The following EHMT1 variants were observed in gnomAD, a reference collection of about 807,000 sequenced individuals.
EHMT1 encodes histone-lysine N-methyltransferase EHMT1.
A neutral mutation model predicts 147.2 loss-of-function variants in EHMT1; 15 were observed. That is an observed-to-expected ratio of 0.10 (90% CI 0.07 to 0.16). The LOEUF is 0.16. Among genes scored for constraint, EHMT1 ranks in the 10% least tolerant of loss-of-function variants. The pLI is 1.00. For synonymous variants in EHMT1, 795 were observed against 709.6 expected, an observed-to-expected ratio of 1.12 and a Z score of -1.91; for missense variants, 1,587 against 1,772.4, an observed-to-expected ratio of 0.90 and a Z score of 1.88.
intron 16 of EHMT1, among the ~76,000 whole-genome samples, chr9:137,795,434 CACTCACAT>C (rs1359231652): frequency 2.0e-5 from 3 of 147,466 alleles, no homozygotes; most frequent in Non-Finnish European, 3.0e-5. Context: ...CACACTCTCA[CACTCACAT>C]ACACACACAG....
chr9:137,768,544 T>G (rs1267688605), intron 10 of EHMT1, among the ~76,000 whole-genome samples: 2 of 81,442 alleles, frequency 2.5e-5, no homozygotes, highest in African/African-American at 6.3e-5. Flanking sequence ...TTTTTTTTTT[T>G]TTTTTTTTTT....
At chr9:137,637,213 T>C (rs112925230) in intron 1 of EHMT1, among the ~76,000 whole-genome samples, 3 of 152,084 alleles carry the variant, frequency 2.0e-5, no homozygotes, top group African/African-American at 7.2e-5. Context: ...TTTACTGTTG[T>C]TGCCCAGGCT....
At chr9:137,715,910 A>G (rs899897654) in intron 2 of EHMT1, 2 of 899,326 alleles carry the variant, frequency 2.2e-6, no homozygotes, top group Non-Finnish European at 2.7e-6. Context: ...GTTAATGCTT[A>G]AGAAATGTTT....
At chr9:137,640,453 T>A (rs969451705) in intron 1 of EHMT1, among the ~76,000 whole-genome samples, 1 of 152,124 alleles carries the variant, frequency 6.6e-6, no homozygotes. Flanking sequence ...ATTTTTAAAT[T>A]TTTTGTAAAG....
At chr9:137,623,427 T>C (rs554886621) in intron 1 of EHMT1, among the ~76,000 whole-genome samples, 51 of 151,928 alleles carry the variant, frequency 3.4e-4, no homozygotes, top group Non-Finnish European at 6.0e-4. Flanking sequence ...ACTCTTTTTT[T>C]TTTTTGAGAT....
At chr9:137,779,517 C>T (rs544693842) in intron 13 of EHMT1, 118 bp from the exon 14 acceptor site, 9 of 1,024,598 alleles carry the variant, frequency 8.8e-6, no homozygotes, top group East Asian at 5.1e-5. Flanking sequence ...ATGTGTGGGA[C>T]GCGGAGCCCC....
chr9:137,814,195 C>T (rs1954742249), intron 21 of EHMT1: 2 of 617,246 alleles, frequency 3.2e-6, no homozygotes, highest in African/African-American at 3.7e-5. Flanking sequence ...CGCGTCGCTG[C>T]CCTGCCTGCC....
rs866354074 is a variant in EHMT1 at position 137,728,202 on chromosome 9, C to A, written c.643-147C>A. On this transcript the variant is annotated intron_variant, in intron 3 of 26. Transcript: ENST00000460843. ...CACGTGAGGACAGCTGTGCTGTTTC[C>A]GCTTGCAGACTTTCTCCTCTCTCCA... 5.9e-6 allele frequency: 7 copies of A among 1,178,546 alleles called. No homozygotes were observed. The African/African-American group carries it at 9.0e-5, about 15-fold the overall frequency. 73.0% of individuals were successfully genotyped at this position (1,178,546 alleles called of 1,614,324 possible). A position where few individuals can be genotyped will look rare whatever the true frequency, so the allele number is the denominator to read the frequency against.
chr9:137,627,994 G>A (rs1338164825), intron 1 of EHMT1, among the ~76,000 whole-genome samples: 1 of 152,198 alleles, frequency 6.6e-6, no homozygotes, highest in Non-Finnish European at 1.5e-5. Context: ...ACAGGTGTGA[G>A]CCACCATGCC....
chr9:137,702,733 G>A (rs1943940617), intron 1 of EHMT1, among the ~76,000 whole-genome samples: 1 of 152,196 alleles, frequency 6.6e-6, no homozygotes, highest in Non-Finnish European at 1.5e-5. Context: ...GACTCTATGT[G>A]GGGCTCCAGT....
At chr9:137,626,921 T>TA (rs1434873750) in intron 1 of EHMT1, among the ~76,000 whole-genome samples, 1 of 151,960 alleles carries the variant, frequency 6.6e-6, no homozygotes, top group East Asian at 1.9e-4. Context: ...TAGCTGGGAT[T>TA]ACAGGCGTGC....
At chr9:137,721,009 G>A (rs1007369355) in intron 3 of EHMT1, among the ~76,000 whole-genome samples, 3 of 135,172 alleles carry the variant, frequency 2.2e-5, no homozygotes, top group South Asian at 2.4e-4. Context: ...TCCCCTCCTC[G>A]CCGGCGTCCT....
At chr9:137,755,087 CCTG>C (rs1588537977) in intron 8 of EHMT1, among the ~76,000 whole-genome samples, 1 of 152,192 alleles carries the variant, frequency 6.6e-6, no homozygotes, top group East Asian at 1.9e-4. Context: ...CCGAGGTGCA[CCTG>C]GCATCCAATA....
At chr9:137,755,207 C>T (rs10780186) in intron 8 of EHMT1, among the ~76,000 whole-genome samples, 42,696 of 152,128 alleles carry the variant, frequency 0.28, 6,503 homozygotes, top group Admixed American at 0.41. Context: ...TCTGTCACCC[C>T]GGGTCCCTCC....
At chr9:137,817,783 G>C in intron 24 of EHMT1, 1 of 625,712 alleles carries the variant, frequency 1.6e-6, no homozygotes. Context: ...AGTTAGGAAG[G>C]CGTGGTCCAG....
At chr9:137,762,295 A>G (rs1949889370) in intron 9 of EHMT1, among the ~76,000 whole-genome samples, 1 of 151,544 alleles carries the variant, frequency 6.6e-6, no homozygotes, top group Non-Finnish European at 1.5e-5. Flanking sequence ...TTCTAAAACC[A>G]AGTAGGAAAA....
At position 137,716,908 on chromosome 9, in the gene EHMT1, A is replaced by G. The variant is rs746186916; in HGVS notation, c.368A>G (p.Asn123Ser). 1 of 1,613,062 alleles carries G rather than the reference A, an allele frequency of 6.2e-7. No homozygotes were observed. The highest frequency in any genetic ancestry group is 8.5e-7 in the Non-Finnish European group (1 of 1,179,858). Residue 123 changes from asparagine (N) to serine (S), a missense_variant, in exon 3 of 27, where the codon AAC (asparagine) becomes AGC (serine). Around this residue, in one of 7 missense-constraint regions of EHMT1, gnomAD observed 810 missense variants for 673.0 expected, o/e 1.20. Transcript: ENST00000460843. ...DFVQTSVIGSNGYILNKPALQ... is the reference protein window; with the variant it reads ...DFVQTSVIGSSGYILNKPALQ... ...GTGCAGACTTCTGTCATCGGCAGCA[A>G]CGGATACATCTTAAATAAGCCGGCC...
chr9:137,670,779 T>G (rs1940508696), intron 1 of EHMT1, among the ~76,000 whole-genome samples: 1 of 152,204 alleles, frequency 6.6e-6, no homozygotes, highest in Admixed American at 6.5e-5. Flanking sequence ...TAGCGGGGCT[T>G]AGCGCTCTCC....
chr9:137,759,585 G>C (rs1298505281), intron 9 of EHMT1, among the ~76,000 whole-genome samples: 1 of 152,256 alleles, frequency 6.6e-6, no homozygotes, highest in Non-Finnish European at 1.5e-5. Flanking sequence ...AGGAGAAATG[G>C]CAGGGAGTAG....
Sources: gnomAD v4.1 joint callset for allele counts (sites outside exome capture counted in the v4.1 genomes callset) on GRCh38, gnomAD v4.1.1 for gene constraint, gnomAD v4.1.1 regional missense constraint, MANE v1.5 for transcripts, NCBI Gene and HGNC (gene_info 2026-07-23, HGNC 2026-07-21) for gene names.